The following ANK2 variants were observed in gnomAD, a reference collection of about 807,000 sequenced individuals.
ANK2 encodes the protein ankyrin 2, also known as ankyrin-2.
ANK2 carries 83 observed loss-of-function variants against 360.5 expected under a neutral mutation model. The observed-to-expected ratio is 0.23, with a 90% CI of 0.19 to 0.28. The LOEUF is 0.28. Among genes scored for constraint, ANK2 ranks in the 10% least tolerant of loss-of-function variants. The probability of loss-of-function intolerance (pLI) is 1.00; values close to 1 mark genes in which losing one functional copy is unlikely to be tolerated. For missense variants in ANK2, 4,201 were observed against 4,795.7 expected, an observed-to-expected ratio of 0.88 and a Z score of 3.66; for synonymous variants, 1,740 against 1,759.5, an observed-to-expected ratio of 0.99 and a Z score of 0.28.
At chr4:113,118,753 G>A (rs1372882078) in intron 1 of ANK2, among the ~76,000 whole-genome samples, 3 of 152,092 alleles carry the variant, frequency 2.0e-5, no homozygotes, top group South Asian at 2.1e-4. Flanking sequence ...TCTTGACAGC[G>A]ACTGCAGTTC....
At chr4:113,327,150 G>A (rs2090396351) in intron 26 of ANK2, among the ~76,000 whole-genome samples, 3 of 152,036 alleles carry the variant, frequency 2.0e-5, no homozygotes, top group African/African-American at 4.8e-5. Context: ...TTATCTGCTT[G>A]CAGCTTCAGG....
intron 38 of ANK2, among the ~76,000 whole-genome samples, chr4:113,360,488 T>C (rs2154034352): frequency 6.6e-6 from 1 of 152,178 alleles, no homozygotes; most frequent in South Asian, 2.1e-4. Flanking sequence ...ATTTCTCTGG[T>C]GTTTCATGAA....
chr4:113,367,687 T>C lies in ANK2; in HGVS notation c.11154T>C (p.Ser3718=), dbSNP rs1437794617. The C allele has an allele frequency of 6.2e-7, 1 of 1,614,070 alleles. No homozygotes were observed. The highest frequency in any genetic ancestry group is 1.1e-5 in the South Asian group (1 of 91,084). ...HPPIVSEEDI[S]VGYSTFQDGV... Reference sequence around the variant, plus strand: ...CTATCGTCTCAGAGGAAGACATTTCTGTTGGTTATTCCACTTTTCAGGATG... The same window carrying C: ...CTATCGTCTCAGAGGAAGACATTTCCGTTGGTTATTCCACTTTTCAGGATG... The change falls in exon 42 of 46, where the codon TCT becomes TCC. Residue 3718 remains serine, a synonymous_variant. Transcript: ENST00000357077.
chr4:113,081,934 A>G (rs1432802496), intron 1 of ANK2, among the ~76,000 whole-genome samples: 2 of 151,504 alleles, frequency 1.3e-5, no homozygotes, highest in Non-Finnish European at 2.9e-5. Flanking sequence ...CTCAGCCTCC[A>G]GAGTAGCTGG....
Position 113,357,291 on chromosome 4 carries a change from C to G in ANK2, c.8673C>G (p.Pro2891=), listed in dbSNP as rs374884110. Residue 2891 remains proline, a synonymous_variant, in exon 38 of 46, where the codon CCC becomes CCG. Coordinates refer to ENST00000357077, the MANE Select transcript of ANK2 (RefSeq NM_001148.6). ...TTGAGAACTTACCAAAGGACTGCCCCTCTCAAGACTCATCCATTACTACTC... is the reference window on the plus strand; with the variant it reads ...TTGAGAACTTACCAAAGGACTGCCCGTCTCAAGACTCATCCATTACTACTC... The part of the protein sequence containing the change: ...ETFENLPKDC[P]SQDSSITTQT... 4.3e-6 allele frequency: 7 copies of G among 1,613,924 alleles called. No homozygotes were observed. In the African/African-American group the frequency reaches 8.0e-5, roughly 18 times the overall value.
chr4:112,932,363 G>A (rs1386614665), intron 2 of ANK2, among the ~76,000 whole-genome samples: 1 of 152,036 alleles, frequency 6.6e-6, no homozygotes, highest in East Asian at 1.9e-4. Flanking sequence ...GTGGTGGCGC[G>A]TGCCTGTAAT....
chr4:113,326,126 C>A (rs1476853462), intron 26 of ANK2, among the ~76,000 whole-genome samples: 1 of 152,124 alleles, frequency 6.6e-6, no homozygotes, highest in African/African-American at 2.4e-5. Flanking sequence ...CATAAAAGTA[C>A]GTTTGCTTAC....
intron 9 of ANK2, among the ~76,000 whole-genome samples, chr4:113,243,356 G>A (rs1435833943): frequency 1.3e-5 from 2 of 152,152 alleles, no homozygotes; most frequent in Admixed American, 6.5e-5. Context: ...TTGCAAATCT[G>A]GGGGCTAGCA....
intron 2 of ANK2, among the ~76,000 whole-genome samples, chr4:113,017,099 C>T (rs1234762697): frequency 2.0e-5 from 3 of 152,204 alleles, no homozygotes; most frequent in Non-Finnish European, 4.4e-5. Flanking sequence ...CTTAATTTAA[C>T]TTAAAGGTAT....
At chr4:113,361,193 ATTATGTT>A (rs2154039274) in intron 39 of ANK2, among the ~76,000 whole-genome samples, 1 of 152,264 alleles carries the variant, frequency 6.6e-6, no homozygotes, top group South Asian at 2.1e-4. Flanking sequence ...GGGGGAGATT[ATTATGTT>A]TCAAAATCAT....
At chr4:113,279,361 C>G (rs1198044221) in intron 17 of ANK2, among the ~76,000 whole-genome samples, 1 of 152,084 alleles carries the variant, frequency 6.6e-6, no homozygotes, top group Non-Finnish European at 1.5e-5. Context: ...ACTTTACAGG[C>G]AATATCTCAT....
chr4:112,986,059 A>G (rs2044733505), intron 2 of ANK2, among the ~76,000 whole-genome samples: 1 of 122,812 alleles, frequency 8.1e-6, no homozygotes, highest in Non-Finnish European at 1.7e-5. Flanking sequence ...AATTATATAT[A>G]AAATTATGAT....
At chr4:112,742,817 C>A in the ANK2 span, among the ~76,000 whole-genome samples, 3 of 151,710 alleles carry the variant, frequency 2.0e-5, no homozygotes, top group Non-Finnish European at 4.4e-5. Flanking sequence ...CTCTGCCTCC[C>A]GGGTTCAAGC....
chr4:112,752,208 C>G, the ANK2 span, among the ~76,000 whole-genome samples: 24 of 152,206 alleles, frequency 1.6e-4, no homozygotes, highest in East Asian at 2.7e-3. Flanking sequence ...ACTAACATCA[C>G]TCTCTGCTCT....
intron 1 of ANK2, chr4:112,827,663 G>C: frequency 1.4e-6 from 1 of 711,052 alleles, no homozygotes; most frequent in South Asian, 1.7e-5. Flanking sequence ...GACACAAAGA[G>C]CATTGTTGCA....
chr4:112,782,661 G>A, the ANK2 span, among the ~76,000 whole-genome samples: 2 of 151,974 alleles, frequency 1.3e-5, no homozygotes. Context: ...GAGGTCAGGA[G>A]TTTGAGATCA....
At chr4:112,711,863 AAAAAAAGAAAAAG>A in the ANK2 span, among the ~76,000 whole-genome samples, 1 of 150,552 alleles carries the variant, frequency 6.6e-6, no homozygotes, top group African/African-American at 2.4e-5. Flanking sequence ...AAATAAAATT[AAAAAAAGAAAAAG>A]AAAAAAGAAA....
chr4:112,966,750 C>T, intron 2 of ANK2, among the ~76,000 whole-genome samples: 1 of 151,960 alleles, frequency 6.6e-6, no homozygotes, highest in African/African-American at 2.4e-5. Context: ...CTTTTTAAAA[C>T]CTATTAGGAA....
intron 1 of ANK2, among the ~76,000 whole-genome samples, chr4:113,131,999 G>A (rs1012212668): frequency 2.0e-5 from 3 of 152,094 alleles, no homozygotes; most frequent in Non-Finnish European, 2.9e-5. Flanking sequence ...GCCGTAGACT[G>A]GATAGGTCAA....
Sources: gnomAD v4.1 joint callset for allele counts (sites outside exome capture counted in the v4.1 genomes callset) on GRCh38, gnomAD v4.1.1 for gene constraint, MANE v1.5 for transcripts, NCBI Gene and HGNC (gene_info 2026-07-23, HGNC 2026-07-21) for gene names.